Variants in MCU observed in about 807,000 individuals in gnomAD.
The protein encoded by MCU is calcium uniporter protein, mitochondrial.
MCU carries 12 observed loss-of-function variants against 45.2 expected under a neutral mutation model. That is an observed-to-expected ratio of 0.27 (90% CI 0.17 to 0.43). The LOEUF is 0.43. Ranked by LOEUF, MCU falls within the 20% of genes least tolerant of loss-of-function variation. The probability of loss-of-function intolerance (pLI) is 1.00; values close to 1 mark genes in which losing one functional copy is unlikely to be tolerated. For synonymous variants in MCU, 160 were observed against 165.1 expected, an observed-to-expected ratio of 0.97 and a Z score of 0.24; for missense variants, 324 against 436.7, an observed-to-expected ratio of 0.74 and a Z score of 2.30.
chr10:72,813,751 G>A (rs954238796), intron 1 of MCU, among the ~76,000 whole-genome samples: 1 of 151,870 alleles, frequency 6.6e-6, no homozygotes, highest in African/African-American at 2.4e-5. Context: ...GAGCCCCTGC[G>A]CCCAGCAAAT....
Position 72,885,869 on chromosome 10 carries a change from T to G in MCU, c.*47T>G, listed in dbSNP as rs1242500912. On this transcript the variant is annotated 3_prime_UTR_variant, in exon 8 of 8. Transcript: ENST00000373053. Reference sequence around the variant, plus strand: ...CTGGCAGAAGGAACACCTGTTTGCCTTTTTAATTAAAGCATTGCAGGTGGA... The same window carrying G: ...CTGGCAGAAGGAACACCTGTTTGCCGTTTTAATTAAAGCATTGCAGGTGGA... The G allele has an allele frequency of 6.7e-7, 1 of 1,503,248 alleles. No individual in the cohort carries two copies. The highest frequency in any genetic ancestry group is 2.3e-5 in the East Asian group (1 of 44,328). The allele number at this position is 1,503,248 out of a possible 1,614,324, so 93.1% of individuals were successfully genotyped here.
At chr10:72,845,401 T>C (rs981666024) in intron 2 of MCU, among the ~76,000 whole-genome samples, 20 of 152,198 alleles carry the variant, frequency 1.3e-4, no homozygotes, top group Non-Finnish European at 2.6e-4. Flanking sequence ...TTTCGATATA[T>C]AAATTACGGT....
intron 1 of MCU, among the ~76,000 whole-genome samples, chr10:72,700,286 C>G (rs377040659): frequency 1.3e-5 from 2 of 151,936 alleles, no homozygotes; most frequent in East Asian, 3.9e-4. Context: ...GTCTTGAACT[C>G]CTGGCCTCAG....
rs79667506 is a variant in MCU, at chr10:72,758,248, C to T, written c.150+65947C>T. Among the ~76,000 whole-genome samples the T allele has an allele frequency of 6.4e-3, 968 of 152,254 alleles. 15 individuals are homozygous for T. Among genetic ancestry groups the T allele is most frequent in the African/African-American group, 0.022 (927 of 41,552 alleles). The stretch of plus-strand genomic sequence containing the variant: ...TAAGAGAGTCTAAAACTATGTTGTC[C>T]AGGTTGGCCTCAAACACCTGAGCTC... On this transcript the variant is annotated intron_variant, in intron 1 of 7. Transcript: ENST00000373053.
At chr10:72,824,489 G>A (rs1457919473) in intron 1 of MCU, among the ~76,000 whole-genome samples, 4 of 151,808 alleles carry the variant, frequency 2.6e-5, no homozygotes, top group African/African-American at 7.3e-5. Context: ...GATTACAGGC[G>A]TGAGGCACCG....
At chr10:72,810,351 G>T (rs1844522034) in intron 1 of MCU, among the ~76,000 whole-genome samples, 1 of 151,610 alleles carries the variant, frequency 6.6e-6, no homozygotes, top group Non-Finnish European at 1.5e-5. Flanking sequence ...GCAGGAAACA[G>T]TTCTGAACAA....
intron 1 of MCU, among the ~76,000 whole-genome samples, chr10:72,826,935 T>C (rs1844807115): frequency 6.6e-6 from 1 of 152,186 alleles, no homozygotes; most frequent in Non-Finnish European, 1.5e-5. Context: ...TGTGTAACTT[T>C]TATTACAATA....
intron 4 of MCU, among the ~76,000 whole-genome samples, chr10:72,863,298 G>C (rs549612851): frequency 1.3e-5 from 2 of 152,288 alleles, no homozygotes; most frequent in South Asian, 4.1e-4. Flanking sequence ...CTTTGATGCT[G>C]TGAGGGAAGG....
chr10:72,725,299 G>A (rs1018575959), intron 1 of MCU, among the ~76,000 whole-genome samples: 3 of 151,946 alleles, frequency 2.0e-5, no homozygotes, highest in Non-Finnish European at 4.4e-5. Context: ...CTAATTTTTT[G>A]TATTTTTTAG....
chr10:72,692,616 CTTCTTCGTTCTTAA>C, intron 1 of MCU: 1 of 1,101,272 alleles, frequency 9.1e-7, no homozygotes, highest in Non-Finnish European at 1.1e-6. Flanking sequence ...CGTTCCCTCC[CTTCTTCGTTCTTAA>C]CAGCCCTGCC....
intron 1 of MCU, among the ~76,000 whole-genome samples, chr10:72,809,602 A>C (rs184722536): frequency 1.9e-4 from 29 of 152,340 alleles, no homozygotes; most frequent in African/African-American, 4.8e-4. Flanking sequence ...GGTATATTTG[A>C]TAGAGCTATT....
intron 1 of MCU, among the ~76,000 whole-genome samples, chr10:72,743,028 G>T (rs1335041006): frequency 6.7e-6 from 1 of 148,506 alleles, no homozygotes; most frequent in African/African-American, 2.4e-5. Flanking sequence ...GAGAGAGAGG[G>T]TGAGGGGGAG....
chr10:72,735,048 G>T (rs2132689357), intron 1 of MCU, among the ~76,000 whole-genome samples: 1 of 151,124 alleles, frequency 6.6e-6, no homozygotes, highest in Non-Finnish European at 1.5e-5. Flanking sequence ...CGCAGTGCAG[G>T]CTGGGTGACA....
intron 1 of MCU, among the ~76,000 whole-genome samples, chr10:72,706,131 A>G (rs1360277241): frequency 6.6e-6 from 1 of 151,622 alleles, no homozygotes; most frequent in African/African-American, 2.4e-5. Context: ...CATTTTTATA[A>G]TAATATATAA....
At chr10:72,836,531 T>C (rs2132837823) in intron 2 of MCU, among the ~76,000 whole-genome samples, 1 of 152,260 alleles carries the variant, frequency 6.6e-6, no homozygotes, top group Non-Finnish European at 1.5e-5. Flanking sequence ...ATTCTATCCA[T>C]ATGGAGATAT....
chr10:72,800,914 C>A (rs943086596), intron 1 of MCU, among the ~76,000 whole-genome samples: 13 of 152,252 alleles, frequency 8.5e-5, no homozygotes, highest in Non-Finnish European at 1.8e-4. Flanking sequence ...GCCTGGGCAA[C>A]ATAGCAAGAC....
chr10:72,713,601 G>A lies in MCU; in HGVS notation c.150+21300G>A, dbSNP rs180855804. On this transcript the variant is annotated intron_variant, in intron 1 of 7. Transcript: ENST00000373053. ...AGTAATTTTCACAAATTATTTTACC[G>A]TGAAAAGTATAGGTATGGGGAGAGG... Among the ~76,000 whole-genome samples, 158 of 152,260 alleles carry A rather than the reference G, an allele frequency of 1.0e-3. 1 individual carries two copies. Among genetic ancestry groups the A allele is most frequent in the Middle Eastern group, 0.01 (3 of 294 alleles).
At chr10:72,824,213 T>G (rs895500144) in intron 1 of MCU, among the ~76,000 whole-genome samples, 1 of 136,120 alleles carries the variant, frequency 7.3e-6, no homozygotes, top group African/African-American at 2.6e-5. Flanking sequence ...TTTTTTTTTT[T>G]GAGATGGAAT....
At chr10:72,759,583 A>T (rs1444867030) in intron 1 of MCU, among the ~76,000 whole-genome samples, 1 of 152,184 alleles carries the variant, frequency 6.6e-6, no homozygotes, top group Non-Finnish European at 1.5e-5. Flanking sequence ...AATTAAGTCT[A>T]TGAAATTTGT....
Sources: allele counts gnomAD v4.1 joint callset (sites outside exome capture counted in the v4.1 genomes callset), GRCh38; gene constraint gnomAD v4.1.1; transcripts MANE v1.5; gene names NCBI Gene and HGNC (gene_info 2026-07-23, HGNC 2026-07-21).